Variants in CSTF2 observed in about 807,000 individuals in gnomAD.
CSTF2 encodes CF-1 64 kDa subunit.
CSTF2 carries 8 observed loss-of-function variants against 45.4 expected under a neutral mutation model. The ratio of observed to expected loss-of-function variants is 0.18; its 90% CI spans 0.10 to 0.32. CSTF2 has a LOEUF of 0.32. CSTF2 is among the 10% of genes least tolerant of loss of function. The pLI is 1.00. For missense variants in CSTF2, 253 were observed against 477.1 expected (o/e 0.53, Z 4.38); for synonymous variants, 155 against 158.9 (o/e 0.98, Z 0.18).
chrX:100,821,908 A>G (rs989807563), intron 2 of CSTF2, among the ~76,000 whole-genome samples: 1 of 111,101 alleles, frequency 9.0e-6, no homozygotes, highest in Non-Finnish European at 1.9e-5. Context: ...AGCCTGACCA[A>G]TGTGGTGAAA....
chrX:100,822,209 T>C, intron 2 of CSTF2, 42 bp from the exon 3 acceptor site: 2 of 1,113,425 alleles, frequency 1.8e-6, no homozygotes, highest in Non-Finnish European at 2.4e-6. Flanking sequence ...GAACCCTGTA[T>C]GTGTGTAACA....
chrX:100,820,518 C>T (rs1411292116), intron 1 of CSTF2, 44 bp downstream of exon 1: 1 of 1,145,520 alleles, frequency 8.7e-7, no homozygotes. Flanking sequence ...AGGGACTCCC[C>T]TCTGCACCTT....
At chrX:100,832,089 C>T (rs989220102) in intron 9 of CSTF2, among the ~76,000 whole-genome samples, 1 of 110,589 alleles carries the variant, frequency 9.0e-6, no homozygotes, top group African/African-American at 3.3e-5. Flanking sequence ...TGGTGGCGGG[C>T]GCCTATAATT....
chrX:100,827,752 G>A (rs2084952763), intron 7 of CSTF2, among the ~76,000 whole-genome samples: 1 of 112,203 alleles, frequency 8.9e-6, no homozygotes, highest in Non-Finnish European at 1.9e-5. Flanking sequence ...CCATGGGTAA[G>A]TGACATTGTT....
chrX:100,821,703 CACATACATTTTGTTCTTG>C lies in CSTF2; in HGVS notation c.137+99_137+116del, dbSNP rs767059500. ...CAGGTTTTCTTTACTGGTGACTTTT[CACATACATTTTGTTCTTG>C]TAACAGCTTTATTGAGATATAATTG... On this transcript the variant is annotated intron_variant, in intron 2 of 13. Coordinates refer to ENST00000372972, the MANE Select transcript of CSTF2 (RefSeq NM_001325.3). The C allele has an allele frequency of 4.9e-3, 2,761 of 565,928 alleles. 29 individuals carry two copies. The highest frequency in any genetic ancestry group is 2.6e-3 in the Non-Finnish European group (864 of 334,181). The allele number at this position is 565,928 out of a possible 1,213,427, so 46.6% of individuals were successfully genotyped here.
intron 6 of CSTF2, 64 bp from the exon 7 acceptor site, chrX:100,826,570 G>A (rs924936717): frequency 1.2e-5 from 14 of 1,124,978 alleles, no homozygotes; most frequent in South Asian, 1.1e-4. Flanking sequence ...TTTTAAGGTC[G>A]TAGACTTAGT....
chrX:100,822,667 G>A, intron 3 of CSTF2: 1 of 392,164 alleles, frequency 2.5e-6, no homozygotes, highest in East Asian at 5.6e-5. Context: ...GCAGGGCAAG[G>A]CCTCAAACCG....
At chrX:100,825,692 G>A (rs1385041058) in intron 6 of CSTF2, among the ~76,000 whole-genome samples, 2 of 111,548 alleles carry the variant, frequency 1.8e-5, no homozygotes, top group Non-Finnish European at 3.8e-5. Flanking sequence ...ACAAGTGTGT[G>A]TGGTTGTGTT....
intron 6 of CSTF2, among the ~76,000 whole-genome samples, chrX:100,825,992 T>G (rs1472013981): frequency 8.9e-6 from 1 of 111,906 alleles, no homozygotes; most frequent in Non-Finnish European, 1.9e-5. Context: ...ATGTGATTTT[T>G]TTTATATAAC....
chrX:100,831,646 G>A lies in CSTF2; in HGVS notation c.1021G>A (p.Val341Ile). 2 of 1,210,542 alleles carry A rather than the reference G, an allele frequency of 1.7e-6. No individual in the cohort carries two copies. Among genetic ancestry groups the A allele is most frequent in the Non-Finnish European group, 2.2e-6 (2 of 894,620 alleles). Residue 341 changes from valine to isoleucine, a missense_variant, in exon 9 of 14, where the codon GTA becomes ATA. Physicochemically the swap from Val to Ile is conservative, Grantham distance 29. Around this residue, in one of 3 missense-constraint regions of CSTF2, gnomAD observed 200 missense variants for 294.0 expected, o/e 0.68. Coordinates refer to ENST00000372972, the MANE Select transcript of CSTF2 (RefSeq NM_001325.3). ...GGTLLSVTGE[V>I]EPRGYLGPPH... The stretch of plus-strand genomic sequence containing the variant: ...CACTTTACTTTCTGTAACTGGAGAG[G>A]TAGAGCCTAGGTAAGCACTAACATA...
At chrX:100,825,009 A>G (rs1465885403) in intron 6 of CSTF2, among the ~76,000 whole-genome samples, 1 of 112,769 alleles carries the variant, frequency 8.9e-6, no homozygotes, top group African/African-American at 3.2e-5. Flanking sequence ...CACAACTCCA[A>G]AACAGTGACA....
At chrX:100,829,509 T>TAC (rs767794891) in intron 8 of CSTF2, among the ~76,000 whole-genome samples, 65 of 109,738 alleles carry the variant, frequency 5.9e-4, no homozygotes, top group African/African-American at 1.2e-3. Flanking sequence ...TATATATATA[T>TAC]ACACACACAC....
intron 13 of CSTF2, among the ~76,000 whole-genome samples, chrX:100,840,222 T>A (rs1453742775): frequency 8.9e-6 from 1 of 112,196 alleles, no homozygotes; most frequent in Non-Finnish European, 1.9e-5. Context: ...GTGTTGGGTT[T>A]TCCTCCATCC....
chrX:100,828,594 A>G (rs1390421690), intron 8 of CSTF2, among the ~76,000 whole-genome samples: 1 of 112,207 alleles, frequency 8.9e-6, no homozygotes, highest in Non-Finnish European at 1.9e-5. Context: ...CTGGGAGGGA[A>G]TCATAGGTCT....
At position 100,820,405 on chromosome X, in the gene CSTF2, C is replaced by G. The variant is rs1163163528; in HGVS notation, c.-12C>G. ...TGTGCTTTGGCGCACCGGAAGCCGA[C>G]TCAACAGAGCTATGGCGGGTTTGAC... On this transcript the variant is annotated 5_prime_UTR_variant, in exon 1 of 14. Coordinates refer to ENST00000372972, the MANE Select transcript of CSTF2 (RefSeq NM_001325.3). The G allele has an allele frequency of 8.3e-7, 1 of 1,211,351 alleles. No homozygotes were observed. Among genetic ancestry groups the G allele is most frequent in the Admixed American group, 2.2e-5 (1 of 46,123 alleles).
intron 13 of CSTF2, among the ~76,000 whole-genome samples, chrX:100,839,984 G>C (rs1371370159): frequency 9.0e-6 from 1 of 111,504 alleles, no homozygotes; most frequent in African/African-American, 3.3e-5. Context: ...ATAGACTCAA[G>C]GAAAGTTGGA....
rs1188185284 is a variant in CSTF2 at position 100,832,715 on chromosome X, C to T, written c.1032-19C>T. The T allele has an allele frequency of 8.5e-6, 10 of 1,177,691 alleles. No individual in the cohort carries two copies. The highest frequency in any genetic ancestry group is 3.9e-5 in the South Asian group (2 of 51,175). ...TGTTTTGTTCTATTTTAAAATACAACGTTTTTCTCCATCTCCAGAGGTTAC... is the reference window on the plus strand; with the variant it reads ...TGTTTTGTTCTATTTTAAAATACAATGTTTTTCTCCATCTCCAGAGGTTAC... On this transcript the variant is annotated intron_variant, in intron 9 of 13. Transcript: ENST00000372972.
intron 10 of CSTF2, 48 bp downstream of exon 10, chrX:100,832,957 A>G: frequency 8.9e-7 from 1 of 1,120,870 alleles, no homozygotes. Context: ...CAACTGTCTT[A>G]GGCTCTAATC....
chrX:100,822,700 A>G lies in CSTF2; in HGVS notation c.307+280A>G, dbSNP rs1453962678. 3.1e-5 allele frequency: 11 copies of G among 359,387 alleles called. No homozygotes were observed. In the East Asian group the frequency reaches 6.7e-4, roughly 22 times the overall value. 29.6% of individuals were successfully genotyped at this position (359,387 alleles called of 1,213,427 possible). ...CCGTTTCAAAACTGTTCTGGCAAGCACTGTAGGGATGCATAGGGTCACTGC... is the reference window on the plus strand; with the variant it reads ...CCGTTTCAAAACTGTTCTGGCAAGCGCTGTAGGGATGCATAGGGTCACTGC... On this transcript the variant is annotated intron_variant, in intron 3 of 13. Coordinates refer to ENST00000372972, the MANE Select transcript of CSTF2 (RefSeq NM_001325.3).
Sources: allele counts gnomAD v4.1 joint callset (sites outside exome capture counted in the v4.1 genomes callset), GRCh38; gene constraint gnomAD v4.1.1; regional missense constraint gnomAD v4.1.1; transcripts MANE v1.5; gene names NCBI Gene and HGNC (gene_info 2026-07-23, HGNC 2026-07-21).